SERPINB12: variants seen among roughly 807,000 people sequenced by gnomAD.
SERPINB12 encodes serpin family B member 12.
Under a neutral mutation model 41.1 loss-of-function variants are expected in SERPINB12, and 57 were observed. That is an observed-to-expected ratio of 1.39 (90% confidence interval 1.12 to 1.73). The LOEUF (loss-of-function observed/expected upper bound fraction) is 1.73. Among genes scored for constraint, SERPINB12 ranks in the 40% most tolerant of loss-of-function variants. The pLI is 0.00. For synonymous variants in SERPINB12, 180 were observed against 181.3 expected, an observed-to-expected ratio of 0.99 and a Z score of 0.06; for missense variants, 536 against 501.9, an observed-to-expected ratio of 1.07 and a Z score of -0.65.
rs547952523 is a variant in SERPINB12 at position 63,559,989 on chromosome 18, C to T, written c.444+271C>T. 5.9e-5 allele frequency among the ~76,000 whole-genome samples: 9 copies of T among 152,216 alleles called. No individual in the cohort carries two copies. The South Asian group carries it at 1.7e-3, about 28-fold the overall frequency. ...TGTGAGTAATGGAGGCTTTGGAGCACGTGTGGGCTTGGTAATGGCATCCTC... is the reference window on the plus strand; with the variant it reads ...TGTGAGTAATGGAGGCTTTGGAGCATGTGTGGGCTTGGTAATGGCATCCTC... On this transcript the variant is annotated intron_variant, in intron 4 of 7. Coordinates refer to ENST00000382768, the MANE Select transcript of SERPINB12 (RefSeq NM_001307928.2).
At chr18:63,565,738 T>A in intron 7 of SERPINB12, 126 bp downstream of exon 7, 1 of 718,970 alleles carries the variant, frequency 1.4e-6, no homozygotes, top group Non-Finnish European at 2.1e-6. Context: ...AAGGAATGTG[T>A]AAGAATCTGA....
intron 1 of SERPINB12, among the ~76,000 whole-genome samples, chr18:63,554,881 TC>T (rs1409656042): frequency 6.6e-6 from 1 of 152,114 alleles, no homozygotes; most frequent in Non-Finnish European, 1.5e-5. Context: ...GGAGGAAGTT[TC>T]CCCCATGCTG....
the SERPINB12 span, among the ~76,000 whole-genome samples, chr18:63,536,699 C>G: frequency 3.1e-3 from 470 of 152,250 alleles, 1 homozygote; most frequent in African/African-American, 0.011. Flanking sequence ...TCTAAAATAA[C>G]TAATCTCTTT....
At chr18:63,542,858 GT>G (rs1179789057) in intron 1 of SERPINB12, among the ~76,000 whole-genome samples, 2 of 152,026 alleles carry the variant, frequency 1.3e-5, no homozygotes, top group African/African-American at 4.8e-5. Context: ...TGTTCTCAAT[GT>G]TTAGCTCCCA....
intron 1 of SERPINB12, among the ~76,000 whole-genome samples, chr18:63,544,457 G>C (rs1318750902): frequency 6.6e-6 from 1 of 152,084 alleles, no homozygotes; most frequent in Admixed American, 6.5e-5. Context: ...TTTTTTTAAG[G>C]GCGAGAAAAT....
At chr18:63,559,092 T>G (rs1910809165) in intron 3 of SERPINB12, among the ~76,000 whole-genome samples, 1 of 122,934 alleles carries the variant, frequency 8.1e-6, no homozygotes, top group African/African-American at 2.8e-5. Flanking sequence ...CTTCTCTCTT[T>G]CTCTCTTTCT....
rs747434497 is a variant in SERPINB12, at chr18:63,556,124, CT to C, written c.-18-9del. On this transcript the variant is annotated splice_polypyrimidine_tract_variant and intron_variant, in intron 1 of 7. Transcript: ENST00000382768. ...TTCCAATCACCATTTTCTCTTTCTC[CT>C]TTTTTTTTGGTTTTAGATCGTTATA... 7.4e-4 allele frequency: 1,112 copies of C among 1,497,002 alleles called. No homozygotes were observed. The highest frequency in any genetic ancestry group is 1.4e-3 in the South Asian group (116 of 81,224). The allele number at this position is 1,497,002 out of a possible 1,614,324, so 92.7% of individuals were successfully genotyped here.
rs1911191402 is a variant in SERPINB12 at position 63,568,578 on chromosome 18, T to C, written c.*1567T>C. On this transcript the variant is annotated 3_prime_UTR_variant, in exon 8 of 8. Coordinates refer to ENST00000382768, the MANE Select transcript of SERPINB12 (RefSeq NM_001307928.2). Reference sequence around the variant, plus strand: ...TCTATCTTAGCTGAATGTTCTGCCATGACCACTGACACGTCCAACTCACAT... The same window carrying C: ...TCTATCTTAGCTGAATGTTCTGCCACGACCACTGACACGTCCAACTCACAT... Among the ~76,000 whole-genome samples the C allele has an allele frequency of 6.6e-6, 1 of 152,174 alleles. No individual in the cohort carries two copies. The highest frequency in any genetic ancestry group is 1.5e-5 in the Non-Finnish European group (1 of 68,038).
chr18:63,552,914 G>T (rs770363050), intron 1 of SERPINB12, among the ~76,000 whole-genome samples: 1 of 152,068 alleles, frequency 6.6e-6, no homozygotes, highest in Non-Finnish European at 1.5e-5. Flanking sequence ...GTAAAGCCAG[G>T]AAAGATCTTC....
chr18:63,536,717 G>A, the SERPINB12 span, among the ~76,000 whole-genome samples: 1 of 152,104 alleles, frequency 6.6e-6, no homozygotes, highest in Non-Finnish European at 1.5e-5. Flanking sequence ...TTTGTTGAGA[G>A]CATTTGTGTG....
chr18:63,556,562 T>C (rs1568128079), intron 2 of SERPINB12, among the ~76,000 whole-genome samples: 1 of 152,224 alleles, frequency 6.6e-6, no homozygotes, highest in Non-Finnish European at 1.5e-5. Context: ...CTCAACTTCA[T>C]GTCTGGCAGC....
upstream of SERPINB12, among the ~76,000 whole-genome samples, chr18:63,538,616 T>A (rs1482432633): frequency 6.6e-6 from 1 of 152,210 alleles, no homozygotes; most frequent in Non-Finnish European, 1.5e-5. Context: ...AGTTGTTTTT[T>A]CTTTTTGGCT....
the SERPINB12 span, among the ~76,000 whole-genome samples, chr18:63,533,451 T>A: frequency 6.6e-6 from 1 of 152,226 alleles, no homozygotes; most frequent in African/African-American, 2.4e-5. Flanking sequence ...TGGCACCCAA[T>A]TACACTTAAT....
At chr18:63,543,662 T>C (rs1035798874) in intron 1 of SERPINB12, among the ~76,000 whole-genome samples, 1 of 152,132 alleles carries the variant, frequency 6.6e-6, no homozygotes, top group Non-Finnish European at 1.5e-5. Flanking sequence ...TGGCGTGATC[T>C]TGGCTTACAG....
chr18:63,549,309 G>C (rs931757878), intron 1 of SERPINB12, among the ~76,000 whole-genome samples: 2 of 152,122 alleles, frequency 1.3e-5, no homozygotes, highest in Non-Finnish European at 1.5e-5. Flanking sequence ...TAACAAATTA[G>C]ACCTTGAGAA....
intron 1 of SERPINB12, among the ~76,000 whole-genome samples, chr18:63,546,342 C>T (rs746770662): frequency 1.5e-4 from 23 of 152,166 alleles, no homozygotes; most frequent in African/African-American, 3.4e-4. Flanking sequence ...TAACATAACA[C>T]GATTGTAGAG....
rs747855105 is a variant in SERPINB12 at position 63,566,993 on chromosome 18, C to T, written c.1260C>T (p.Gly420=). ...HNKTQTILFY[G]RVCSP ...AAACCCAAACCATTCTCTTTTATGGCAGGGTCTGCTCTCCTTAAAAGGGGA... is the reference window on the plus strand; with the variant it reads ...AAACCCAAACCATTCTCTTTTATGGTAGGGTCTGCTCTCCTTAAAAGGGGA... Residue 420 remains glycine (G), a synonymous_variant, in exon 8 of 8, where the codon GGC becomes GGT. Transcript: ENST00000382768. 1 of 1,599,922 alleles carries T rather than the reference C, an allele frequency of 6.3e-7. No individual in the cohort carries two copies. Among genetic ancestry groups the T allele is most frequent in the Non-Finnish European group, 8.5e-7 (1 of 1,174,156 alleles).
At chr18:63,563,473 G>A (rs1237582698) in intron 5 of SERPINB12, among the ~76,000 whole-genome samples, 2 of 152,162 alleles carry the variant, frequency 1.3e-5, no homozygotes, top group Non-Finnish European at 2.9e-5. Context: ...CCCCTGCGAG[G>A]TGGAGTTAGA....
At chr18:63,565,368 C>T in intron 6 of SERPINB12, 77 bp from the exon 7 acceptor site, 5 of 1,361,708 alleles carry the variant, frequency 3.7e-6, no homozygotes, top group Non-Finnish European at 4.0e-6. Context: ...GAACCCCTGT[C>T]CTCCGTGAAG....
Sources: gnomAD v4.1 joint callset for allele counts (sites outside exome capture counted in the v4.1 genomes callset) on GRCh38, gnomAD v4.1.1 for gene constraint, MANE v1.5 for transcripts, NCBI Gene and HGNC (gene_info 2026-07-23, HGNC 2026-07-21) for gene names.